MOV10: variants seen among roughly 807,000 people sequenced by gnomAD.
The protein encoded by MOV10 is Mov10 RNA helicase.
MOV10 carries 39 observed loss-of-function variants against 108.4 expected under a neutral mutation model. The observed-to-expected ratio is 0.36, with a 90% CI of 0.28 to 0.47. The LOEUF is 0.47. Ranked by LOEUF, MOV10 falls within the 20% of genes least tolerant of loss-of-function variation. MOV10 has a pLI of 1.00. For synonymous variants in MOV10, 490 were observed against 523.1 expected, an observed-to-expected ratio of 0.94 and a Z score of 0.86; for missense variants, 952 against 1,297.6, an observed-to-expected ratio of 0.73 and a Z score of 4.09.
In MOV10 at chr1:112,689,562, T is replaced by C; in HGVS notation, c.489T>C (p.Val163=). 14 of 1,614,220 alleles carry C rather than the reference T, an allele frequency of 8.7e-6. No individual in the cohort carries two copies. The highest frequency in any genetic ancestry group is 1.1e-5 in the Non-Finnish European group (13 of 1,180,036). Residue 163 remains valine, a synonymous_variant, in exon 4 of 21, where the codon GTT becomes GTC. Transcript: ENST00000369645. ...TTCGGAATGGCGGAACCCAGTCTGTTACCCTCACTCACCTCTTCCCACTCT... is the reference window on the plus strand; with the variant it reads ...TTCGGAATGGCGGAACCCAGTCTGTCACCCTCACTCACCTCTTCCCACTCT... ...LRLRNGGTQS[V]TLTHLFPLCR... is the part of the protein sequence containing the mutation.
rs1403678272 is a variant in MOV10 at position 112,700,684 on chromosome 1, A to G, written c.*177A>G. ...AGAATGACACATCAAGCTGCTAACA[A>G]TTGGGGGAAGGGGAAGGAAGAAAAC... On this transcript the variant is annotated 3_prime_UTR_variant, in exon 21 of 21. Coordinates refer to ENST00000369645, the MANE Select transcript of MOV10 (RefSeq NM_001321324.2). 4.6e-6 allele frequency: 7 copies of G among 1,528,104 alleles called. No individual in the cohort carries two copies. The highest frequency in any genetic ancestry group is 5.2e-6 in the Non-Finnish European group (6 of 1,143,224). The allele number at this position is 1,528,104 out of a possible 1,614,324, so 94.7% of individuals were successfully genotyped here.
chr1:112,684,885 A>C (rs1335253378), intron 2 of MOV10: 1 of 152,196 alleles, frequency 6.6e-6, no homozygotes, highest in Non-Finnish European at 1.5e-5. Context: ...GTCAATTTGT[A>C]AGAAAATTTA....
chr1:112,685,626 G>A (rs1233977203), intron 2 of MOV10, among the ~76,000 whole-genome samples: 1 of 145,864 alleles, frequency 6.9e-6, no homozygotes, highest in Non-Finnish European at 1.5e-5. Context: ...CTGCCCTCCA[G>A]CCTGGTGATA....
Position 112,698,704 on chromosome 1 carries a change from C to T in MOV10, c.2509-11C>T, listed in dbSNP as rs1419343794. ...TGGCACGAGAGAAAGGCACCTGTCC[C>T]CTCCTTCCAGGTGGAGAAAATCCGT... On this transcript the variant is annotated splice_polypyrimidine_tract_variant and intron_variant, in intron 16 of 20. Transcript: ENST00000369645. 14 of 1,613,056 alleles carry T rather than the reference C, an allele frequency of 8.7e-6. No individual in the cohort carries two copies. The highest frequency in any genetic ancestry group is 1.2e-5 in the Non-Finnish European group (14 of 1,178,972).
intron 2 of MOV10, among the ~76,000 whole-genome samples, chr1:112,680,749 C>CTTTTTTTTTTTT (rs1672581964): frequency 7.9e-6 from 1 of 126,082 alleles, no homozygotes. Flanking sequence ...GTCACTTAGG[C>CTTTTTTTTTTTT]TGGAGTGCAG....
In MOV10 at chr1:112,692,938, T is replaced by C; in HGVS notation, c.1140+9T>C. Reference sequence around the variant, plus strand: ...GGCTGCTCACGCTGGAGGTCAGGGCTCAGATTGAGTGTGAGGAGGGTGGGC... The same window carrying C: ...GGCTGCTCACGCTGGAGGTCAGGGCCCAGATTGAGTGTGAGGAGGGTGGGC... On this transcript the variant is annotated intron_variant, in intron 7 of 20. Coordinates refer to ENST00000369645, the MANE Select transcript of MOV10 (RefSeq NM_001321324.2). 6.2e-7 allele frequency: 1 copy of C among 1,602,846 alleles called. No individual in the cohort carries two copies. Among genetic ancestry groups the C allele is most frequent in the Non-Finnish European group, 8.5e-7 (1 of 1,175,224 alleles).
In MOV10 at chr1:112,699,699, A is replaced by C; in HGVS notation, c.2598A>C (p.Glu866Asp). 2 of 1,614,218 alleles carry C rather than the reference A, an allele frequency of 1.2e-6. No homozygotes were observed. The highest frequency in any genetic ancestry group is 1.7e-6 in the Non-Finnish European group (2 of 1,180,028). Residue 866 changes from glutamate to aspartate, a missense_variant, in exon 18 of 21, where the codon GAA (glutamate) becomes GAC (aspartate). By Grantham distance (45) the Glu-to-Asp change is conservative (BLOSUM62 2). This residue lies in a region of MOV10 where 453 missense variants were observed against 611.5 expected (regional missense o/e 0.74). Coordinates refer to ENST00000369645, the MANE Select transcript of MOV10 (RefSeq NM_001321324.2). ...DIKDLKVGSVEEFQGQERSVI... is the reference protein window; with the variant it reads ...DIKDLKVGSVDEFQGQERSVI... Reference sequence around the variant, plus strand: ...TTCCCCACTAGGTGGGTTCAGTAGAAGAATTCCAAGGCCAAGAACGAAGCG... The same window carrying C: ...TTCCCCACTAGGTGGGTTCAGTAGACGAATTCCAAGGCCAAGAACGAAGCG...
Position 112,674,688 on chromosome 1 carries a change from A to T in MOV10, c.-107A>T, listed in dbSNP as rs944169282. The T allele has an allele frequency of 8.6e-6, 4 of 467,820 alleles. No individual in the cohort carries two copies. The highest frequency in any genetic ancestry group is 8.3e-5 in the African/African-American group (4 of 48,204). The allele number at this position is 467,820 out of a possible 1,614,324, so 29.0% of individuals were successfully genotyped here. On this transcript the variant is annotated 5_prime_UTR_variant, in exon 1 of 21. Coordinates refer to ENST00000369645, the MANE Select transcript of MOV10 (RefSeq NM_001321324.2). Reference sequence around the variant, plus strand: ...GCTTTAGGAAAGAGTTAATGCGAAGAGGGGGAGGGGATAGGACGAAGAAAC... The same window carrying T: ...GCTTTAGGAAAGAGTTAATGCGAAGTGGGGGAGGGGATAGGACGAAGAAAC...
At chr1:112,688,584 G>A in intron 2 of MOV10, 1 of 1,180,696 alleles carries the variant, frequency 8.5e-7, no homozygotes, top group Non-Finnish European at 1.1e-6. Flanking sequence ...TTTCTTTTCT[G>A]TCCCAAACAG....
In MOV10 at chr1:112,689,962, A is replaced by T; in HGVS notation, c.700A>T (p.Ile234Phe). Reference sequence around the variant, plus strand: ...TTCAGAAGGAGCCGGCACATTCTACATTGCCCGCTTCTTGGCTGCCGTCGC... The same window carrying T: ...TTCAGAAGGAGCCGGCACATTCTACTTTGCCCGCTTCTTGGCTGCCGTCGC... ...SGSEGAGTFY[I>F]ARFLAAVAHS... is the part of the protein sequence containing the mutation. The change falls in exon 5 of 21, where the codon ATT becomes TTT. Residue 234 changes from isoleucine to phenylalanine, a missense_variant. Around this residue, in one of 5 missense-constraint regions of MOV10, gnomAD observed 374 missense variants for 468.6 expected, o/e 0.80. Coordinates refer to ENST00000369645, the MANE Select transcript of MOV10 (RefSeq NM_001321324.2). 1 of 1,614,080 alleles carries T rather than the reference A, an allele frequency of 6.2e-7. No homozygotes were observed. The highest frequency in any genetic ancestry group is 8.5e-7 in the Non-Finnish European group (1 of 1,180,036).
intron 2 of MOV10, among the ~76,000 whole-genome samples, chr1:112,676,025 A>G (rs1217626655): frequency 2.0e-5 from 3 of 152,094 alleles, no homozygotes; most frequent in Non-Finnish European, 2.9e-5. Context: ...GGGGTGGGGG[A>G]AAAGGGTAGA....
chr1:112,689,397 G>GC lies in MOV10; in HGVS notation c.342-18_342-17insC. On this transcript the variant is annotated splice_polypyrimidine_tract_variant and intron_variant, in intron 3 of 20. Transcript: ENST00000369645. ...ACCGCTCCCACCCCAACCCCCCCTT[G>GC]ACTCCCCTTCTCCCCAGGGCTGAGT... 3.2e-6 allele frequency: 2 copies of GC among 615,480 alleles called. No homozygotes were observed. Among genetic ancestry groups the GC allele is most frequent in the Non-Finnish European group, 5.8e-6 (2 of 342,252 alleles). The allele number at this position is 615,480 out of a possible 1,614,324, so 38.1% of individuals were successfully genotyped here. A position where few individuals can be genotyped will look rare whatever the true frequency, so the allele number is the denominator to read the frequency against.
intron 2 of MOV10, among the ~76,000 whole-genome samples, chr1:112,676,954 T>C (rs1351087637): frequency 2.0e-5 from 3 of 152,024 alleles, no homozygotes; most frequent in Non-Finnish European, 4.4e-5. Flanking sequence ...GAAAAACTGG[T>C]TGTGTTGGAT....
chr1:112,691,685 A>G lies in MOV10; in HGVS notation c.857A>G (p.Glu286Gly), dbSNP rs1673599197. 6.2e-7 allele frequency: 1 copy of G among 1,613,956 alleles called. No individual in the cohort carries two copies. Among genetic ancestry groups the G allele is most frequent in the Non-Finnish European group, 8.5e-7 (1 of 1,180,030 alleles). ...RPDRAKGYDL[E>G]LSMALGTYYP... ...TGCAGCGCTAAGGGCTATGACCTGG[A>G]GTTAAGTATGGCGCTGGGGACATAC... The change falls in exon 6 of 21, where the codon GAG becomes GGG. Residue 286 changes from glutamate (E) to glycine (G), a missense_variant. By Grantham distance (98) the Glu-to-Gly change is moderately conservative. Transcript: ENST00000369645.
rs1489361125 is a variant in MOV10 at position 112,699,009 on chromosome 1, C to T, written c.2583+220C>T. On this transcript the variant is annotated intron_variant, in intron 17 of 20. Coordinates refer to ENST00000369645, the MANE Select transcript of MOV10 (RefSeq NM_001321324.2). The stretch of plus-strand genomic sequence containing the variant: ...TGCATGTTTAACAAACACCTCCTGT[C>T]ATTCTTAGACTGAGGCAGGTTTGAG... 16 of 561,578 alleles carry T rather than the reference C, an allele frequency of 2.8e-5. No homozygotes were observed. In the Admixed American group the frequency reaches 5.1e-4, roughly 18 times the overall value. The allele number at this position is 561,578 out of a possible 1,614,324, so 34.8% of individuals were successfully genotyped here.
chr1:112,680,480 C>T (rs1209189870), intron 2 of MOV10, among the ~76,000 whole-genome samples: 1 of 151,382 alleles, frequency 6.6e-6, no homozygotes, highest in Non-Finnish European at 1.5e-5. Context: ...CACGGTGAAA[C>T]CCCATCTCTA....
In MOV10 at chr1:112,700,535, A is replaced by G; in HGVS notation, c.*28A>G. ...ACACAGCACCCAGCCTTCTCGCACCAGCCAAGCCTTAACTGCCTGCCTGAC... is the reference window on the plus strand; with the variant it reads ...ACACAGCACCCAGCCTTCTCGCACCGGCCAAGCCTTAACTGCCTGCCTGAC... On this transcript the variant is annotated 3_prime_UTR_variant, in exon 21 of 21. Coordinates refer to ENST00000369645, the MANE Select transcript of MOV10 (RefSeq NM_001321324.2). The G allele has an allele frequency of 6.2e-7, 1 of 1,610,424 alleles. No homozygotes were observed. The highest frequency in any genetic ancestry group is 1.3e-5 in the African/African-American group (1 of 74,980).
chr1:112,694,314 G>A lies in MOV10; in HGVS notation c.1296-139G>A, dbSNP rs146563737. On this transcript the variant is annotated intron_variant, in intron 8 of 20. Transcript: ENST00000369645. The surrounding 1 kb of genome is among the most constrained non-coding windows in gnomAD (Gnocchi z 4.1). ...CCTCAGGGGTACCCTGAGATGCTAC[G>A]GCAGCTTCCTCTTCTAGAGAACTTG... The A allele has an allele frequency of 9.2e-5, 129 of 1,400,618 alleles. No individual in the cohort carries two copies. The highest frequency in any genetic ancestry group is 2.3e-4 in the East Asian group (10 of 43,568). The allele number at this position is 1,400,618 out of a possible 1,614,324, so 86.8% of individuals were successfully genotyped here.
intron 2 of MOV10, among the ~76,000 whole-genome samples, chr1:112,684,713 G>A (rs1005928730): frequency 2.0e-5 from 3 of 152,162 alleles, no homozygotes; most frequent in Non-Finnish European, 4.4e-5. Context: ...ATATATGCTA[G>A]AACTATGTTC....
Sources: allele counts gnomAD v4.1 joint callset (sites outside exome capture counted in the v4.1 genomes callset), GRCh38; gene constraint gnomAD v4.1.1; regional missense constraint gnomAD v4.1.1; non-coding constraint Gnocchi (gnomAD v3.1); transcripts MANE v1.5; gene names NCBI Gene and HGNC (gene_info 2026-07-23, HGNC 2026-07-21).